CHN1: variants seen among roughly 807,000 people sequenced by gnomAD.
The protein encoded by CHN1 is chimerin 1, also known as N-chimaerin.
CHN1 carries 37 observed loss-of-function variants against 59.5 expected under a neutral mutation model. The ratio of observed to expected loss-of-function variants is 0.62; its 90% CI spans 0.48 to 0.82. The LOEUF is 0.82. Ranked by LOEUF, CHN1 falls within the 40% of genes least tolerant of loss-of-function variation. The pLI, the probability that CHN1 is intolerant of heterozygous loss-of-function variation, is 0.00. For missense variants in CHN1, 469 were observed against 571.0 expected, an observed-to-expected ratio of 0.82 and a Z score of 1.82; for synonymous variants, 206 against 200.4, an observed-to-expected ratio of 1.03 and a Z score of -0.24.
At chr2:174,903,551 A>G (rs1688454055) in intron 5 of CHN1, among the ~76,000 whole-genome samples, 1 of 152,218 alleles carries the variant, frequency 6.6e-6, no homozygotes, top group East Asian at 1.9e-4. Context: ...TCACGGTGGG[A>G]AAGTACTATA....
chr2:174,945,788 G>T (rs1445061904), intron 2 of CHN1, among the ~76,000 whole-genome samples: 1 of 151,980 alleles, frequency 6.6e-6, no homozygotes, highest in African/African-American at 2.4e-5. Context: ...GATAACGGAT[G>T]ACTCAGATTT....
chr2:174,987,122 C>T (rs528804726), intron 1 of CHN1, among the ~76,000 whole-genome samples: 15 of 152,198 alleles, frequency 9.9e-5, no homozygotes, highest in African/African-American at 2.9e-4. Flanking sequence ...ACAAAATATG[C>T]GTTAATCAAT....
intron 2 of CHN1, among the ~76,000 whole-genome samples, chr2:174,946,677 C>T (rs1574198570): frequency 6.6e-6 from 1 of 151,830 alleles, no homozygotes; most frequent in African/African-American, 2.4e-5. Context: ...TTTGTCTGGC[C>T]CTGATAATGA....
intron 1 of CHN1, among the ~76,000 whole-genome samples, chr2:174,957,861 C>T (rs1690262679): frequency 6.6e-6 from 1 of 152,134 alleles, no homozygotes; most frequent in African/African-American, 2.4e-5. Context: ...CAGAGAGTAA[C>T]TTGGGGCTTT....
intron 3 of CHN1, among the ~76,000 whole-genome samples, chr2:174,941,111 T>C (rs193074024): frequency 1.2e-3 from 187 of 152,312 alleles, no homozygotes; most frequent in Non-Finnish European, 2.0e-3. Context: ...TTCTTTTAGA[T>C]GTTCAAATTG....
Position 174,891,140 on chromosome 2 carries a change from C to CAAAA in CHN1, c.261-13016_261-13013dup, listed in dbSNP as rs58016502. ...TGGGCGACAGAGCAAGACTCCATCTCAAAAAAAAAAAAAAAAAAAAAAAAA... is the reference window on the plus strand; with the variant it reads ...TGGGCGACAGAGCAAGACTCCATCTCAAAAAAAAAAAAAAAAAAAAAAAAAAAAA... On this transcript the variant is annotated intron_variant, in intron 5 of 12. Coordinates refer to ENST00000409900, the MANE Select transcript of CHN1 (RefSeq NM_001822.7). Among the ~76,000 whole-genome samples, 84 of 24,414 alleles carry CAAAA rather than the reference C, an allele frequency of 3.4e-3. 6 individuals are homozygous for CAAAA. The highest frequency in any genetic ancestry group is 8.1e-3 in the African/African-American group (78 of 9,616). 16.0% of individuals were successfully genotyped at this position (24,414 alleles called of 152,430 possible).
intron 6 of CHN1, among the ~76,000 whole-genome samples, chr2:174,859,615 A>G (rs1278395457): frequency 2.0e-5 from 3 of 152,198 alleles, no homozygotes; most frequent in Admixed American, 6.5e-5. Flanking sequence ...CATATATACT[A>G]TTTCATTGTA....
At chr2:174,960,200 A>G (rs73031942) in intron 1 of CHN1, among the ~76,000 whole-genome samples, 3,629 of 152,308 alleles carry the variant, frequency 0.024, 133 homozygotes, top group African/African-American at 0.083. Context: ...CAGCAGTTCT[A>G]TTTTTAGAAA....
chr2:174,800,015 AAACC>A lies in CHN1; in HGVS notation c.*97_*100del. 2 of 1,148,660 alleles carry A rather than the reference AAACC, an allele frequency of 1.7e-6. No individual in the cohort carries two copies. Among genetic ancestry groups the A allele is most frequent in the Non-Finnish European group, 2.5e-6 (2 of 791,698 alleles). The allele number at this position is 1,148,660 out of a possible 1,614,324, so 71.2% of individuals were successfully genotyped here. A position where few individuals can be genotyped will look rare whatever the true frequency, so the allele number is the denominator to read the frequency against. ...TTCACTTTAATCTGGTTATATGCCC[AAACC>A]TCTAATCAAGAAATAATGCAGCTAC... is the stretch of plus-strand genomic sequence containing the variant. On this transcript the variant is annotated 3_prime_UTR_variant, in exon 13 of 13. Transcript: ENST00000409900.
chr2:174,810,129 A>G (rs760372492), intron 10 of CHN1, among the ~76,000 whole-genome samples: 1 of 152,156 alleles, frequency 6.6e-6, no homozygotes, highest in Non-Finnish European at 1.5e-5. Context: ...ACTCCAAATT[A>G]TTTTGCTCTG....
intron 6 of CHN1, among the ~76,000 whole-genome samples, chr2:174,876,410 A>T (rs1687567048): frequency 6.6e-6 from 1 of 152,220 alleles, no homozygotes. Context: ...GTATTATTCA[A>T]ATACAAGCAT....
chr2:174,800,705 G>A (rs1245662276), intron 12 of CHN1, among the ~76,000 whole-genome samples: 1 of 151,474 alleles, frequency 6.6e-6, no homozygotes, highest in Non-Finnish European at 1.5e-5. Flanking sequence ...AGTTGAGTAA[G>A]TGTCTAGGAA....
At chr2:174,805,055 T>C (rs981804889) in intron 11 of CHN1, among the ~76,000 whole-genome samples, 2 of 152,264 alleles carry the variant, frequency 1.3e-5, no homozygotes, top group African/African-American at 2.4e-5. Context: ...AAGAGAGAAA[T>C]AGACAAAATG....
chr2:174,943,966 ATTT>A (rs1362881486), intron 3 of CHN1, among the ~76,000 whole-genome samples: 1 of 151,976 alleles, frequency 6.6e-6, no homozygotes, highest in African/African-American at 2.4e-5. Flanking sequence ...CAGACTATAT[ATTT>A]TTTATTTTCT....
At chr2:174,822,309 T>C (rs1400147983) in intron 8 of CHN1, among the ~76,000 whole-genome samples, 9 of 152,212 alleles carry the variant, frequency 5.9e-5, no homozygotes, top group South Asian at 4.1e-4. Flanking sequence ...AGGCTATTAA[T>C]GTGGGTGGCT....
intron 3 of CHN1, among the ~76,000 whole-genome samples, chr2:174,928,395 T>A (rs1405983240): frequency 6.6e-6 from 1 of 152,212 alleles, no homozygotes; most frequent in East Asian, 1.9e-4. Context: ...AACCGTTGTT[T>A]AAAGATAATT....
chr2:174,957,459 A>AGGGGGG (rs1558997695), intron 1 of CHN1, among the ~76,000 whole-genome samples: 3 of 126,454 alleles, frequency 2.4e-5, no homozygotes, highest in African/African-American at 6.2e-5. Context: ...GGGGGGGGGC[A>AGGGGGG]GTTAATTATA....
chr2:174,998,302 CAAAAAAAA>C (rs34770658), intron 1 of CHN1, among the ~76,000 whole-genome samples: 1 of 48,806 alleles, frequency 2.0e-5, no homozygotes, highest in African/African-American at 8.6e-5. Flanking sequence ...GACTCTGTCT[CAAAAAAAA>C]AAAAAAAAAA....
At chr2:174,987,185 T>G (rs953005595) in intron 1 of CHN1, among the ~76,000 whole-genome samples, 6 of 152,176 alleles carry the variant, frequency 3.9e-5, no homozygotes, top group Non-Finnish European at 7.4e-5. Context: ...TAGTAAAGTT[T>G]TGGGGAAGTC....
Sources: allele counts gnomAD v4.1 joint callset (sites outside exome capture counted in the v4.1 genomes callset), GRCh38; gene constraint gnomAD v4.1.1; transcripts MANE v1.5; gene names NCBI Gene and HGNC (gene_info 2026-07-23, HGNC 2026-07-21).